The following RAD51B variants were observed in gnomAD, a reference collection of about 807,000 sequenced individuals.
The protein encoded by RAD51B is RAD51 paralog B, also known as DNA repair protein RAD51 homolog 2.
RAD51B carries 38 observed loss-of-function variants against 42.2 expected under a neutral mutation model. The observed-to-expected ratio is 0.90, with a 90% CI of 0.70 to 1.18. RAD51B has a LOEUF of 1.18. Ranked by LOEUF, RAD51B falls within the 50% of genes most tolerant of loss-of-function variation. The probability of loss-of-function intolerance (pLI) is 0.00; values close to 1 mark genes in which losing one functional copy is unlikely to be tolerated. For synonymous variants in RAD51B, 154 were observed against 145.2 expected (o/e 1.06, Z -0.43); for missense variants, 373 against 400.7 (o/e 0.93, Z 0.59).
At chr14:68,431,080 C>A (rs1168712168) in intron 9 of RAD51B, among the ~76,000 whole-genome samples, 1 of 152,148 alleles carries the variant, frequency 6.6e-6, no homozygotes, top group East Asian at 1.9e-4. Flanking sequence ...TTGAACCAGC[C>A]TTGCATCCTA....
intron 7 of RAD51B, among the ~76,000 whole-genome samples, chr14:68,180,668 A>G (rs1003216476): frequency 6.6e-6 from 1 of 152,224 alleles, no homozygotes; most frequent in African/African-American, 2.4e-5. Flanking sequence ...GCCAGAATGC[A>G]AAACTACTGC....
At chr14:67,868,788 G>A (rs1452736206) in intron 5 of RAD51B, among the ~76,000 whole-genome samples, 128 of 152,366 alleles carry the variant, frequency 8.4e-4, no homozygotes, top group African/African-American at 2.9e-3. Flanking sequence ...CCTGACCCCC[G>A]AGCAGCCTAA....
intron 7 of RAD51B, among the ~76,000 whole-genome samples, chr14:67,984,002 G>T (rs1363804425): frequency 6.6e-6 from 1 of 150,938 alleles, no homozygotes; most frequent in Non-Finnish European, 1.5e-5. Context: ...GCAGTGGCGC[G>T]ATCTTGGCTC....
chr14:68,172,340 T>C (rs180956825), intron 7 of RAD51B, among the ~76,000 whole-genome samples: 2 of 152,356 alleles, frequency 1.3e-5, no homozygotes, highest in African/African-American at 4.8e-5. Context: ...TCTGACCACA[T>C]TGCAAAATGT....
intron 10 of RAD51B, among the ~76,000 whole-genome samples, chr14:68,492,773 C>A (rs781265490): frequency 3.9e-5 from 6 of 152,130 alleles, no homozygotes; most frequent in Non-Finnish European, 8.8e-5. Flanking sequence ...AACTGTCAAC[C>A]CTTCTACCAT....
chr14:68,075,082 C>T (rs535788508), intron 7 of RAD51B, among the ~76,000 whole-genome samples: 1 of 152,290 alleles, frequency 6.6e-6, no homozygotes, highest in Non-Finnish European at 1.5e-5. Context: ...GGCAGAGAGC[C>T]TTTCACTTGT....
intron 7 of RAD51B, among the ~76,000 whole-genome samples, chr14:68,213,616 C>T (rs569625728): frequency 6.6e-6 from 1 of 152,236 alleles, no homozygotes; most frequent in East Asian, 1.9e-4. Context: ...CTAACGTATA[C>T]CTACTTTTAA....
chr14:68,032,073 GAAA>G (rs2076055236), intron 7 of RAD51B, among the ~76,000 whole-genome samples: 1 of 152,042 alleles, frequency 6.6e-6, no homozygotes, highest in Non-Finnish European at 1.5e-5. Flanking sequence ...CTGTTACTAT[GAAA>G]TCTTGGGCAA....
At chr14:68,243,168 G>A (rs533320991) in intron 7 of RAD51B, among the ~76,000 whole-genome samples, 2 of 152,216 alleles carry the variant, frequency 1.3e-5, no homozygotes, top group East Asian at 1.9e-4. Context: ...AAAGGAAATC[G>A]ATACCCGTTG....
chr14:68,202,542 A>G (rs1015865529), intron 7 of RAD51B, among the ~76,000 whole-genome samples: 13 of 135,570 alleles, frequency 9.6e-5, no homozygotes, highest in Non-Finnish European at 1.6e-4. Flanking sequence ...TCAAGAAACT[A>G]CTTTCTTTGT....
Position 68,477,877 on chromosome 14 carries a change from T to C in RAD51B, c.*213T>C, listed in dbSNP as rs1270782785. ...AGATGAAGAAGCCTTTGTTCAGGTC[T>C]CTAGATGTGTAGGGCTGAGGGCTTT... On this transcript the variant is annotated 3_prime_UTR_variant, in exon 11 of 11. Coordinates refer to ENST00000471583, the MANE Select transcript of RAD51B (RefSeq NM_133510.4). 2.9e-6 allele frequency: 4 copies of C among 1,401,390 alleles called. No homozygotes were observed. Among genetic ancestry groups the C allele is most frequent in the Non-Finnish European group, 3.7e-6 (4 of 1,079,756 alleles). 86.8% of individuals were successfully genotyped at this position (1,401,390 alleles called of 1,614,324 possible).
In RAD51B at chr14:68,205,505, G is replaced by A. The variant is rs543057399; in HGVS notation, c.757-86379G>A. The stretch of plus-strand genomic sequence containing the variant: ...CAAGTGCAATGTTTCAACCTGCTTA[G>A]GATAATAAAGCCAATAAAAGATAGA... On this transcript the variant is annotated intron_variant, in intron 7 of 10. Coordinates refer to ENST00000471583, the MANE Select transcript of RAD51B (RefSeq NM_133510.4). Among the ~76,000 whole-genome samples, 4 of 152,268 alleles carry A rather than the reference G, an allele frequency of 2.6e-5. No homozygotes were observed. The South Asian group carries it at 8.3e-4, about 32-fold the overall frequency.
At chr14:68,049,245 A>G (rs1434383566) in intron 7 of RAD51B, among the ~76,000 whole-genome samples, 2 of 152,196 alleles carry the variant, frequency 1.3e-5, no homozygotes, top group African/African-American at 2.4e-5. Context: ...ATTAAGAGAT[A>G]TACCTAATGT....
At chr14:68,657,738 C>A (rs1308209415) in intron 11 of RAD51B, among the ~76,000 whole-genome samples, 1 of 152,248 alleles carries the variant, frequency 6.6e-6, no homozygotes, top group Non-Finnish European at 1.5e-5. Flanking sequence ...GAGGATTTGA[C>A]AGAGCAGGTC....
intron 8 of RAD51B, among the ~76,000 whole-genome samples, chr14:68,293,581 G>A (rs931046331): frequency 6.6e-6 from 1 of 152,046 alleles, no homozygotes; most frequent in Non-Finnish European, 1.5e-5. Flanking sequence ...CCCACTCCCA[G>A]CTCCAGGCCT....
chr14:68,486,101 C>T (rs1003408403), intron 10 of RAD51B, among the ~76,000 whole-genome samples: 5 of 152,188 alleles, frequency 3.3e-5, no homozygotes, highest in African/African-American at 7.2e-5. Flanking sequence ...TTTTAGTGGA[C>T]GTGAGTCTAG....
intron 7 of RAD51B, among the ~76,000 whole-genome samples, chr14:67,973,750 T>G (rs1362680487): frequency 6.6e-6 from 1 of 152,160 alleles, no homozygotes; most frequent in Non-Finnish European, 1.5e-5. Context: ...GTAGCCTATT[T>G]ATATTTTAAG....
chr14:67,844,690 T>C (rs1179021735), intron 4 of RAD51B, among the ~76,000 whole-genome samples: 1 of 151,540 alleles, frequency 6.6e-6, no homozygotes, highest in African/African-American at 2.4e-5. Context: ...TACATATGTA[T>C]ACATGTGCCA....
intron 7 of RAD51B, among the ~76,000 whole-genome samples, chr14:68,137,182 A>C (rs545405962): frequency 6.2e-4 from 95 of 152,310 alleles, no homozygotes; most frequent in Non-Finnish European, 1.0e-3. Flanking sequence ...AGGCTGAGGC[A>C]GGAGAATCAC....
Sources: gnomAD v4.1 joint callset for allele counts (sites outside exome capture counted in the v4.1 genomes callset) on GRCh38, gnomAD v4.1.1 for gene constraint, MANE v1.5 for transcripts, NCBI Gene and HGNC (gene_info 2026-07-23, HGNC 2026-07-21) for gene names.